Variants in CUX2 observed in about 807,000 individuals in gnomAD.
CUX2 encodes cut like homeobox 2, also known as homeobox protein cut-like 2.
A neutral mutation model predicts 144.8 loss-of-function variants in CUX2; 40 were observed. The ratio of observed to expected loss-of-function variants is 0.28; its 90% CI spans 0.21 to 0.36. The LOEUF (loss-of-function observed/expected upper bound fraction) is 0.36, where lower values mean the gene tolerates loss of function less well. Among genes scored for constraint, CUX2 ranks in the 10% least tolerant of loss-of-function variants. CUX2 has a pLI of 1.00. For missense variants in CUX2, 1,615 were observed against 1,994.0 expected, an observed-to-expected ratio of 0.81 and a Z score of 3.62; for synonymous variants, 827 against 875.6, an observed-to-expected ratio of 0.94 and a Z score of 0.98.
intron 20 of CUX2, chr12:111,339,720 A>G (rs1043756347): frequency 6.6e-6 from 1 of 152,290 alleles, no homozygotes; most frequent in Non-Finnish European, 1.5e-5. Flanking sequence ...GTTGCCATCC[A>G]GGTCGTGAGG....
chr12:111,155,736 G>A (rs1024822212), intron 1 of CUX2, among the ~76,000 whole-genome samples: 5 of 152,116 alleles, frequency 3.3e-5, no homozygotes, highest in African/African-American at 9.7e-5. Context: ...GGCACCAGCC[G>A]GAAAGTTCAG....
chr12:111,248,451 G>T (rs1243087220), intron 3 of CUX2, among the ~76,000 whole-genome samples: 1 of 152,162 alleles, frequency 6.6e-6, no homozygotes, highest in African/African-American at 2.4e-5. Context: ...TGGAGGTTCG[G>T]CTGGCAGTTT....
intron 1 of CUX2, among the ~76,000 whole-genome samples, chr12:111,069,908 G>A (rs1871188506): frequency 6.6e-6 from 1 of 152,150 alleles, no homozygotes; most frequent in African/African-American, 2.4e-5. Flanking sequence ...ATGCCTAGGT[G>A]TGCTTCTAGA....
chr12:111,082,490 G>A (rs569562677), intron 1 of CUX2, among the ~76,000 whole-genome samples: 17 of 152,244 alleles, frequency 1.1e-4, no homozygotes, highest in African/African-American at 3.6e-4. Context: ...GCAAGTGTCC[G>A]AAAATGTCTG....
In CUX2 at chr12:111,034,791, C is replaced by T. The variant is rs1249290294; in HGVS notation, c.63+551C>T. Among the ~76,000 whole-genome samples the T allele has an allele frequency of 2.0e-5, 3 of 149,736 alleles. No homozygotes were observed. Among genetic ancestry groups the T allele is most frequent in the Non-Finnish European group, 4.5e-5 (3 of 66,884 alleles). On this transcript the variant is annotated intron_variant, in intron 1 of 21. Transcript: ENST00000261726. This position sits in a 1 kb window ranked among gnomAD's most constrained non-coding sequence, Gnocchi z 4.2. ...TTGGCGAGGAGGCGGCTCCGCGCCC[C>T]GCCGCTCGCCGGCACCTCAGCCTTC... is the stretch of plus-strand genomic sequence containing the variant.
chr12:111,039,777 C>T lies in CUX2; in HGVS notation c.63+5537C>T, dbSNP rs1351465099. Among the ~76,000 whole-genome samples the T allele has an allele frequency of 2.0e-5, 3 of 152,188 alleles. No individual in the cohort carries two copies. Among genetic ancestry groups the T allele is most frequent in the African/African-American group, 7.2e-5 (3 of 41,442 alleles). ...GAAGTCCTGACCTCAAATGATCCAC[C>T]AGCCTCGGCCTCTTAAAGTGCTGGG... On this transcript the variant is annotated intron_variant, in intron 1 of 21. Coordinates refer to ENST00000261726, the MANE Select transcript of CUX2 (RefSeq NM_015267.4). This position sits in a 1 kb window ranked among gnomAD's most constrained non-coding sequence, Gnocchi z 4.2.
At chr12:111,196,052 T>G (rs1880220132) in intron 1 of CUX2, among the ~76,000 whole-genome samples, 2 of 152,212 alleles carry the variant, frequency 1.3e-5, no homozygotes, top group African/African-American at 2.4e-5. Flanking sequence ...ACCACAAATC[T>G]ATTTGCTGTA....
At chr12:111,332,828 C>T (rs929869064) in intron 18 of CUX2, among the ~76,000 whole-genome samples, 1 of 152,204 alleles carries the variant, frequency 6.6e-6, no homozygotes, top group Non-Finnish European at 1.5e-5. Flanking sequence ...TGGTAAAATA[C>T]TGGCATGTAT....
At chr12:111,284,211 A>G (rs1885264181) in intron 4 of CUX2, among the ~76,000 whole-genome samples, 1 of 152,144 alleles carries the variant, frequency 6.6e-6, no homozygotes, top group South Asian at 2.1e-4. Flanking sequence ...TCCTGCCTCT[A>G]TCTGATGACA....
chr12:111,334,230 T>C (rs1888241844), intron 18 of CUX2, among the ~76,000 whole-genome samples: 1 of 152,000 alleles, frequency 6.6e-6, no homozygotes, highest in African/African-American at 2.4e-5. Context: ...GGGAGATACT[T>C]GGAGACTTTG....
chr12:111,340,998 G>A (rs1259912367), intron 20 of CUX2, among the ~76,000 whole-genome samples: 1 of 152,082 alleles, frequency 6.6e-6, no homozygotes, highest in Non-Finnish European at 1.5e-5. Context: ...TCCTTTGTTC[G>A]GTGTACTCTC....
chr12:111,285,733 T>C (rs549177330), intron 4 of CUX2, among the ~76,000 whole-genome samples: 1 of 152,338 alleles, frequency 6.6e-6, no homozygotes, highest in Admixed American at 6.5e-5. Context: ...CAGCAGTGCC[T>C]GCCTCCGTGT....
At chr12:111,071,279 C>G (rs1309699113) in intron 1 of CUX2, among the ~76,000 whole-genome samples, 1 of 152,134 alleles carries the variant, frequency 6.6e-6, no homozygotes, top group Admixed American at 6.5e-5. Flanking sequence ...TCTTTGCCAG[C>G]ATTTAGTGTT....
At chr12:111,333,141 G>A (rs1423309553) in intron 18 of CUX2, among the ~76,000 whole-genome samples, 2 of 152,168 alleles carry the variant, frequency 1.3e-5, no homozygotes, top group African/African-American at 2.4e-5. Context: ...CCCGTGAGGT[G>A]GAGGTTGCAG....
At chr12:111,045,295 A>G (rs1405462528) in intron 1 of CUX2, among the ~76,000 whole-genome samples, 2 of 152,032 alleles carry the variant, frequency 1.3e-5, no homozygotes, top group East Asian at 1.9e-4. Flanking sequence ...CAGTTTTTCT[A>G]TCTAGAATGG....
At chr12:111,099,362 T>C (rs1689053439) in intron 1 of CUX2, 4 of 355,082 alleles carry the variant, frequency 1.1e-5, no homozygotes, top group South Asian at 8.6e-5. Context: ...CATTTTGGGG[T>C]CTAGGCCTCT....
intron 1 of CUX2, among the ~76,000 whole-genome samples, chr12:111,148,864 G>A (rs1379773065): frequency 2.0e-5 from 3 of 152,112 alleles, no homozygotes; most frequent in African/African-American, 7.2e-5. Flanking sequence ...AGGTATGGTG[G>A]TGCATACCTG....
At chr12:111,081,222 A>G (rs1871868758) in intron 1 of CUX2, among the ~76,000 whole-genome samples, 1 of 152,132 alleles carries the variant, frequency 6.6e-6, no homozygotes, top group Non-Finnish European at 1.5e-5. Context: ...AGGTTTACAA[A>G]CACCCCTCTG....
At chr12:111,305,502 C>T (rs1886531018) in intron 10 of CUX2, among the ~76,000 whole-genome samples, 1 of 152,116 alleles carries the variant, frequency 6.6e-6, no homozygotes, top group Admixed American at 6.5e-5. Flanking sequence ...GTTTCCTCAT[C>T]TGTACAATTA....
Sources: gnomAD v4.1 joint callset for allele counts (sites outside exome capture counted in the v4.1 genomes callset) on GRCh38, gnomAD v4.1.1 for gene constraint, Gnocchi (gnomAD v3.1) non-coding constraint, MANE v1.5 for transcripts, NCBI Gene and HGNC (gene_info 2026-07-23, HGNC 2026-07-21) for gene names.